The following ADGRB1 variants were observed in gnomAD, a reference collection of about 807,000 sequenced individuals.
The protein encoded by ADGRB1 is brain-specific angiogenesis inhibitor 1.
In ADGRB1, 36 loss-of-function variants were observed where a neutral mutation model predicts 175.7. That is an observed-to-expected ratio of 0.20 (90% CI 0.16 to 0.27). The LOEUF is 0.27. ADGRB1 is among the 10% of genes least tolerant of loss of function. The pLI, the probability that ADGRB1 is intolerant of heterozygous loss-of-function variation, is 1.00. For synonymous variants in ADGRB1, 1,054 were observed against 979.4 expected (o/e 1.08, Z -1.42); for missense variants, 1,731 against 2,255.3 (o/e 0.77, Z 4.71).
intron 24 of ADGRB1, 102 bp downstream of exon 24, chr8:142,526,729 G>A (rs1172921398): frequency 8.4e-7 from 1 of 1,188,358 alleles, no homozygotes. Flanking sequence ...ATCTGAGACT[G>A]CAGGTCCAGG....
Position 142,524,324 on chromosome 8 carries a change from C to A in ADGRB1, c.3312+20C>A, listed in dbSNP as rs1200909398. On this transcript the variant is annotated intron_variant, in intron 23 of 30. Transcript: ENST00000517894. ...GTGCTGGTACTGACCCGCCCAGGCC[C>A]CACTCCCCACGACCCCACCTGGGCC... The A allele has an allele frequency of 6.4e-7, 1 of 1,573,514 alleles. No individual in the cohort carries two copies. The highest frequency in any genetic ancestry group is 2.3e-5 in the East Asian group (1 of 43,462).
At chr8:142,470,920 G>A (rs545731330) in intron 2 of ADGRB1, among the ~76,000 whole-genome samples, 7 of 152,282 alleles carry the variant, frequency 4.6e-5, no homozygotes, top group African/African-American at 1.7e-4. Context: ...CGGAAGTCCT[G>A]GGAAGAGGCA....
intron 17 of ADGRB1, among the ~76,000 whole-genome samples, chr8:142,500,461 G>A (rs1842465289): frequency 6.8e-6 from 1 of 147,634 alleles, no homozygotes; most frequent in Non-Finnish European, 1.5e-5. Context: ...GCTCCTCTCA[G>A]TCATGCCTCG....
At chr8:142,512,409 C>T (rs552259326) in intron 18 of ADGRB1, among the ~76,000 whole-genome samples, 4 of 152,304 alleles carry the variant, frequency 2.6e-5, no homozygotes, top group African/African-American at 9.6e-5. Context: ...CCTTTCTGGG[C>T]CCCTTCGAAG....
In ADGRB1 at chr8:142,484,020, G is replaced by A. The variant is rs1458722858; in HGVS notation, c.2174G>A (p.Arg725Gln). The change falls in exon 12 of 31, where the codon CGG becomes CAG. Residue 725 changes from arginine (R) to glutamine (Q), a missense_variant. Arg to Gln is a conservative substitution (Grantham distance 43). Transcript: ENST00000517894. ...AGCAACCTGTTGGCAGAGGAGAATC[G>A]GGACAAGTGGGAGGAGGCCCAGCTG... ...ILSNLLAEENRDKWEEAQLAG... is the reference protein window; with the variant it reads ...ILSNLLAEENQDKWEEAQLAG... 4.3e-6 allele frequency: 7 copies of A among 1,612,788 alleles called. No homozygotes were observed. The highest frequency in any genetic ancestry group is 2.2e-5 in the East Asian group (1 of 44,812).
chr8:142,463,623 T>C (rs1450292082), intron 1 of ADGRB1, among the ~76,000 whole-genome samples: 1 of 152,214 alleles, frequency 6.6e-6, no homozygotes, highest in Non-Finnish European at 1.5e-5. Flanking sequence ...GGTGAGCGAG[T>C]GGGCAGGCAG....
In ADGRB1 at chr8:142,510,355, G is replaced by A. The variant is rs1439924512; in HGVS notation, c.2676-577G>A. On this transcript the variant is annotated intron_variant, in intron 17 of 30. Transcript: ENST00000517894. The surrounding 1 kb of genome is among the most constrained non-coding windows in gnomAD (Gnocchi z 6.3). ...GAGCCGCAGGCACCAGGGGTGATGA[G>A]GCCCGGGGGAGGTGGATGTGGGGGA... Among the ~76,000 whole-genome samples, 1 of 151,934 alleles carries A rather than the reference G, an allele frequency of 6.6e-6. No individual in the cohort carries two copies. Among genetic ancestry groups the A allele is most frequent in the Non-Finnish European group, 1.5e-5 (1 of 67,904 alleles).
Position 142,474,781 on chromosome 8 carries a change from G to T in ADGRB1, c.785-693G>T, listed in dbSNP as rs1365595905. Among the ~76,000 whole-genome samples the T allele has an allele frequency of 6.6e-6, 1 of 152,154 alleles. No individual in the cohort carries two copies. The highest frequency in any genetic ancestry group is 1.5e-5 in the Non-Finnish European group (1 of 68,016). On this transcript the variant is annotated intron_variant, in intron 2 of 30. Coordinates refer to ENST00000517894, the MANE Select transcript of ADGRB1 (RefSeq NM_001702.3). This position sits in a 1 kb window ranked among gnomAD's most constrained non-coding sequence, Gnocchi z 5.8. ...AGAGAAGCTGAACAGAGCGGCCGGG[G>T]TCAGGGCAGGGGCGTGGCGGGGAGG...
intron 25 of ADGRB1, among the ~76,000 whole-genome samples, chr8:142,535,224 A>G (rs1218089900): frequency 6.6e-6 from 1 of 152,110 alleles, no homozygotes; most frequent in Non-Finnish European, 1.5e-5. Flanking sequence ...CAAAGGAGAC[A>G]GCGGAGAGGA....
chr8:142,470,069 C>T (rs1455525274), intron 2 of ADGRB1, among the ~76,000 whole-genome samples: 1 of 152,210 alleles, frequency 6.6e-6, no homozygotes, highest in Non-Finnish European at 1.5e-5. Flanking sequence ...CCCGCACGGC[C>T]TGTCCAAGTG....
At chr8:142,522,605 G>T (rs745582429) in intron 21 of ADGRB1, 36 bp from the exon 22 acceptor site, 10 of 1,527,500 alleles carry the variant, frequency 6.5e-6, no homozygotes, top group African/African-American at 4.2e-5. Flanking sequence ...TGGGGACTTG[G>T]GTGGGGCCAA....
In ADGRB1 at chr8:142,542,994, G is replaced by A. The variant is rs1845371827; in HGVS notation, c.4413+347G>A. Among the ~76,000 whole-genome samples, 1 of 152,186 alleles carries A rather than the reference G, an allele frequency of 6.6e-6. No individual in the cohort carries two copies. The highest frequency in any genetic ancestry group is 1.5e-5 in the Non-Finnish European group (1 of 68,018). ...CAGCCTGGAGCCTGCAGCTGACCCA[G>A]CCTCAGTCAGCCTGTAGGATGTTGT... is the stretch of plus-strand genomic sequence containing the variant. On this transcript the variant is annotated intron_variant, in intron 28 of 30. Coordinates refer to ENST00000517894, the MANE Select transcript of ADGRB1 (RefSeq NM_001702.3). This position sits in a 1 kb window ranked among gnomAD's most constrained non-coding sequence, Gnocchi z 6.3.
intron 18 of ADGRB1, among the ~76,000 whole-genome samples, chr8:142,515,263 G>A (rs553775728): frequency 5.9e-5 from 9 of 152,344 alleles, no homozygotes; most frequent in Admixed American, 1.3e-4. Flanking sequence ...GCCAGTCTCC[G>A]GCAGGGGCCC....
Position 142,488,280 on chromosome 8 carries a change from C to T in ADGRB1, c.2309-84C>T, listed in dbSNP as rs1026045249. ...GCATCAGCCTGCACTGCCAGGCCTG[C>T]ACCTCAACTCCCGCAGCTGAGGCCC... is the stretch of plus-strand genomic sequence containing the variant. On this transcript the variant is annotated intron_variant, in intron 13 of 30. Transcript: ENST00000517894. The T allele has an allele frequency of 5.2e-6, 8 of 1,546,208 alleles. No homozygotes were observed. The South Asian group carries it at 7.2e-5, about 14-fold the overall frequency.
intron 2 of ADGRB1, among the ~76,000 whole-genome samples, chr8:142,472,860 C>G (rs1840742262): frequency 6.6e-6 from 1 of 151,988 alleles, no homozygotes; most frequent in Non-Finnish European, 1.5e-5. Flanking sequence ...AGTATGCGTC[C>G]AGGGTCAGCT....
intron 19 of ADGRB1, among the ~76,000 whole-genome samples, chr8:142,519,752 G>T (rs36234348): frequency 6.9e-6 from 1 of 145,078 alleles, no homozygotes; most frequent in Non-Finnish European, 1.5e-5. Context: ...TAGTGATGGT[G>T]GTAATGGTCG....
chr8:142,533,246 C>T, intron 24 of ADGRB1, 49 bp from the exon 25 acceptor site: 1 of 1,454,254 alleles, frequency 6.9e-7, no homozygotes, highest in African/African-American at 1.4e-5. Context: ...GGCAGGGTGT[C>T]CCTGGGGGCA....
chr8:142,524,534 C>G (rs951512778), intron 23 of ADGRB1, among the ~76,000 whole-genome samples: 2 of 152,220 alleles, frequency 1.3e-5, no homozygotes, highest in Non-Finnish European at 2.9e-5. Context: ...ACCTGTGAGT[C>G]TCGGCTTGCC....
Position 142,533,424 on chromosome 8 carries a change from G to A in ADGRB1, c.3528G>A (p.Glu1176=), listed in dbSNP as rs1305024058. 1.2e-6 allele frequency: 2 copies of A among 1,612,522 alleles called. No individual in the cohort carries two copies. Among genetic ancestry groups the A allele is most frequent in the Non-Finnish European group, 8.5e-7 (1 of 1,179,292 alleles). The change falls in exon 25 of 31, where the codon GAG becomes GAA. Residue 1176 remains glutamate, a synonymous_variant. Transcript: ENST00000517894. ...TCTTCGCTGTCTTCGACTCGCTGGA[G>A]GGCTTCGTCATCGTCATGGTGCACT... ...QILFAVFDSL[E]GFVIVMVHCI... is the part of the protein sequence containing the mutation.
Sources: gnomAD v4.1 joint callset for allele counts (sites outside exome capture counted in the v4.1 genomes callset) on GRCh38, gnomAD v4.1.1 for gene constraint, Gnocchi (gnomAD v3.1) non-coding constraint, MANE v1.5 for transcripts, NCBI Gene and HGNC (gene_info 2026-07-23, HGNC 2026-07-21) for gene names.